Variants in PDZRN4 observed in about 807,000 individuals in gnomAD.
PDZRN4 encodes the protein PDZ domain-containing RING finger protein 4.
A neutral mutation model predicts 99.0 loss-of-function variants in PDZRN4; 70 were observed. The observed-to-expected ratio is 0.71, with a 90% CI of 0.58 to 0.86. The LOEUF (loss-of-function observed/expected upper bound fraction) is 0.86. Among genes scored for constraint, PDZRN4 ranks in the 40% least tolerant of loss-of-function variants. The pLI is 0.00. For missense variants in PDZRN4, 1,474 were observed against 1,331.2 expected, an observed-to-expected ratio of 1.11 and a Z score of -1.67; for synonymous variants, 551 against 501.6, an observed-to-expected ratio of 1.10 and a Z score of -1.32.
chr12:41,291,734 G>A (rs1434389358), intron 3 of PDZRN4, among the ~76,000 whole-genome samples: 1 of 152,130 alleles, frequency 6.6e-6, no homozygotes, highest in Admixed American at 6.6e-5. Context: ...AAGAGAATAA[G>A]ATTATGAAGG....
intron 3 of PDZRN4, among the ~76,000 whole-genome samples, chr12:41,378,020 G>A (rs1245445457): frequency 1.3e-5 from 2 of 151,974 alleles, no homozygotes; most frequent in Non-Finnish European, 2.9e-5. Flanking sequence ...GTACTATATT[G>A]AATACAAGTG....
chr12:41,394,632 T>G (rs1314183232), intron 3 of PDZRN4, among the ~76,000 whole-genome samples: 1 of 152,162 alleles, frequency 6.6e-6, no homozygotes, highest in Non-Finnish European at 1.5e-5. Context: ...GGGGAGATTT[T>G]GCTTCCACAG....
At chr12:41,332,742 A>AT (rs1951748532) in intron 3 of PDZRN4, among the ~76,000 whole-genome samples, 1 of 29,076 alleles carries the variant, frequency 3.4e-5, no homozygotes, top group South Asian at 2.5e-3. Flanking sequence ...CAAGAGGAGG[A>AT]TTAAAAAAAA....
intron 3 of PDZRN4, among the ~76,000 whole-genome samples, chr12:41,222,270 A>G (rs1950960300): frequency 6.6e-6 from 1 of 152,124 alleles, no homozygotes; most frequent in Non-Finnish European, 1.5e-5. Context: ...ATACTTATTT[A>G]ACTTTTTAAA....
chr12:41,246,860 C>T (rs905653715), intron 3 of PDZRN4, among the ~76,000 whole-genome samples: 2 of 152,146 alleles, frequency 1.3e-5, no homozygotes, highest in African/African-American at 4.8e-5. Flanking sequence ...AGCATTGCTC[C>T]ATACAGACAT....
intron 3 of PDZRN4, among the ~76,000 whole-genome samples, chr12:41,292,696 G>A (rs77866195): frequency 0.13 from 20,018 of 152,040 alleles, 1,711 homozygotes; most frequent in African/African-American, 0.25. Flanking sequence ...GACATTCTAA[G>A]TATGCTGAAG....
At chr12:41,246,087 G>A (rs1457894970) in intron 3 of PDZRN4, among the ~76,000 whole-genome samples, 1 of 152,162 alleles carries the variant, frequency 6.6e-6, no homozygotes, top group Non-Finnish European at 1.5e-5. Flanking sequence ...TGGGTAGACA[G>A]GAGACATGTT....
At chr12:41,302,206 C>T (rs1400933346) in intron 3 of PDZRN4, among the ~76,000 whole-genome samples, 2 of 151,964 alleles carry the variant, frequency 1.3e-5, no homozygotes, top group East Asian at 1.9e-4. Context: ...TTTAGACTGA[C>T]CTCAAATATA....
At chr12:41,455,872 C>T (rs993534966) in intron 3 of PDZRN4, among the ~76,000 whole-genome samples, 1 of 152,204 alleles carries the variant, frequency 6.6e-6, no homozygotes, top group African/African-American at 2.4e-5. Flanking sequence ...CATTCTCTCA[C>T]TGTAAATCCT....
intron 3 of PDZRN4, among the ~76,000 whole-genome samples, chr12:41,423,662 C>T (rs2120415657): frequency 6.6e-6 from 1 of 152,178 alleles, no homozygotes; most frequent in Non-Finnish European, 1.5e-5. Flanking sequence ...TGAGTCTTTC[C>T]CCAAAACAGA....
chr12:41,250,513 A>G (rs1951162076), intron 3 of PDZRN4, among the ~76,000 whole-genome samples: 1 of 152,252 alleles, frequency 6.6e-6, no homozygotes, highest in Non-Finnish European at 1.5e-5. Context: ...CAATGATGCC[A>G]GCCTTTTAGT....
At chr12:41,491,211 ATTGGG>A (rs997436043) in intron 3 of PDZRN4, among the ~76,000 whole-genome samples, 85 of 152,250 alleles carry the variant, frequency 5.6e-4, no homozygotes, top group African/African-American at 1.6e-3. Context: ...TTCTGTGAAA[ATTGGG>A]ACAAATAAGG....
intron 3 of PDZRN4, among the ~76,000 whole-genome samples, chr12:41,338,018 T>C (rs10880040): frequency 0.38 from 58,404 of 151,886 alleles, 11,313 homozygotes; most frequent in African/African-American, 0.41. Context: ...CTCAACCTTC[T>C]AAGCAGCTGG....
At chr12:41,282,300 T>A (rs1951391699) in intron 3 of PDZRN4, among the ~76,000 whole-genome samples, 1 of 152,138 alleles carries the variant, frequency 6.6e-6, no homozygotes, top group East Asian at 1.9e-4. Context: ...GGTAAAGGGA[T>A]CAATGCAACA....
At chr12:41,299,102 A>T (rs1413477352) in intron 3 of PDZRN4, among the ~76,000 whole-genome samples, 8 of 152,114 alleles carry the variant, frequency 5.3e-5, no homozygotes, top group Non-Finnish European at 8.8e-5. Context: ...GCAGGCAGTG[A>T]GCCTAGGTTC....
intron 3 of PDZRN4, among the ~76,000 whole-genome samples, chr12:41,228,120 G>A (rs1379663899): frequency 6.6e-6 from 1 of 152,086 alleles, no homozygotes; most frequent in Non-Finnish European, 1.5e-5. Context: ...AAGTGATATG[G>A]AGCCATAAAG....
Position 41,552,683 on chromosome 12 carries a change from C to A in PDZRN4, c.1231C>A (p.Gln411Lys). The change falls in exon 6 of 10, where the codon CAA becomes AAA. Residue 411 changes from glutamine (Q) to lysine (K), a missense_variant. Coordinates refer to ENST00000402685, the MANE Select transcript of PDZRN4 (RefSeq NM_001164595.2). Reference protein sequence around the residue: ...EEVELCRVSSQEKLGLTVCYR... With the variant: ...EEVELCRVSSKEKLGLTVCYR... ...GGTCGAGTTGTGTCGTGTTAGCAGTCAAGAGAAGCTGGGCCTGACAGTCTG... is the reference window on the plus strand; with the variant it reads ...GGTCGAGTTGTGTCGTGTTAGCAGTAAAGAGAAGCTGGGCCTGACAGTCTG... 6.2e-7 allele frequency: 1 copy of A among 1,613,618 alleles called. No individual in the cohort carries two copies. The highest frequency in any genetic ancestry group is 8.5e-7 in the Non-Finnish European group (1 of 1,179,700).
intron 3 of PDZRN4, among the ~76,000 whole-genome samples, chr12:41,194,897 T>A (rs545525254): frequency 1.3e-5 from 2 of 152,344 alleles, no homozygotes; most frequent in African/African-American, 4.8e-5. Flanking sequence ...AAATTTGTAA[T>A]TAATATTTTA....
intron 3 of PDZRN4, among the ~76,000 whole-genome samples, chr12:41,446,722 T>G (rs1461436841): frequency 1.3e-5 from 2 of 151,958 alleles, no homozygotes; most frequent in Admixed American, 1.3e-4. Flanking sequence ...TGGAAAGGTA[T>G]GACCTTAGTA....
Sources: gnomAD v4.1 joint callset for allele counts (sites outside exome capture counted in the v4.1 genomes callset) on GRCh38, gnomAD v4.1.1 for gene constraint, MANE v1.5 for transcripts, NCBI Gene and HGNC (gene_info 2026-07-23, HGNC 2026-07-21) for gene names.